Variants in VEPH1 observed in about 807,000 individuals in gnomAD.
VEPH1 encodes ventricular zone expressed PH domain containing 1.
VEPH1 carries 80 observed loss-of-function variants against 85.2 expected under a neutral mutation model. The ratio of observed to expected loss-of-function variants is 0.94; its 90% CI spans 0.78 to 1.13. The LOEUF is 1.13. Among genes scored for constraint, VEPH1 ranks in the 50% most tolerant of loss-of-function variants. The pLI is 0.00. For missense variants in VEPH1, 955 were observed against 980.5 expected, an observed-to-expected ratio of 0.97 and a Z score of 0.35; for synonymous variants, 297 against 348.0, an observed-to-expected ratio of 0.85 and a Z score of 1.63.
At chr3:157,349,969 G>T (rs879773833) in intron 9 of VEPH1, among the ~76,000 whole-genome samples, 3 of 151,976 alleles carry the variant, frequency 2.0e-5, no homozygotes, top group Non-Finnish European at 4.4e-5. Flanking sequence ...AGATTCAACG[G>T]AGTCACCATC....
At chr3:157,363,204 A>G (rs924218146) in intron 9 of VEPH1, 160 bp downstream of exon 9, 10 of 459,982 alleles carry the variant, frequency 2.2e-5, no homozygotes, top group Admixed American at 1.0e-4. Context: ...TTTCTTGGGA[A>G]AAAAAAAAAA....
rs183487288 is a variant in VEPH1 at position 157,465,706 on chromosome 3, C to A, written c.354+4608G>T. 2.0e-3 allele frequency among the ~76,000 whole-genome samples: 310 copies of A among 152,286 alleles called. 4 individuals are homozygous for A. Among genetic ancestry groups the A allele is most frequent in the African/African-American group, 7.1e-3 (293 of 41,558 alleles). ...AGTTTAAACCTTCATATTACATTGA[C>A]TGGGGAAGAAGAACTGAGAAGACTG... is the stretch of plus-strand genomic sequence containing the variant. On this transcript the variant is annotated intron_variant, in intron 3 of 13. Transcript: ENST00000362010.
Position 157,261,044 on chromosome 3 carries a change from T to C in VEPH1, c.*90A>G, listed in dbSNP as rs1301815839. On this transcript the variant is annotated 3_prime_UTR_variant, in exon 14 of 14. Coordinates refer to ENST00000362010, the MANE Select transcript of VEPH1 (RefSeq NM_001167912.2). ...CATTGGTATTTAGTAAAAAACAACA[T>C]GGCTTGGTAAATTTAGCTCTTTTTC... The C allele has an allele frequency of 5.2e-6, 8 of 1,530,134 alleles. No individual in the cohort carries two copies. Among genetic ancestry groups the C allele is most frequent in the Admixed American group, 3.9e-5 (2 of 51,128 alleles). The allele number at this position is 1,530,134 out of a possible 1,614,324, so 94.8% of individuals were successfully genotyped here. A position where few individuals can be genotyped will look rare whatever the true frequency, so the allele number is the denominator to read the frequency against.
chr3:157,412,979 T>C (rs536306872), intron 6 of VEPH1, among the ~76,000 whole-genome samples: 1 of 152,158 alleles, frequency 6.6e-6, no homozygotes, highest in Non-Finnish European at 1.5e-5. Context: ...GTAAGTCACA[T>C]AATGTTTCTG....
At chr3:157,351,081 A>G (rs116647733) in intron 9 of VEPH1, among the ~76,000 whole-genome samples, 2,139 of 152,068 alleles carry the variant, frequency 0.014, 27 homozygotes, top group Middle Eastern at 0.024. Context: ...TGCTTATTGC[A>G]GCACTATTCA....
At chr3:157,273,240 C>G (rs1351070971) in intron 12 of VEPH1, among the ~76,000 whole-genome samples, 1 of 152,136 alleles carries the variant, frequency 6.6e-6, no homozygotes, top group African/African-American at 2.4e-5. Flanking sequence ...TTCAAAATGC[C>G]TTTATGGTTA....
chr3:157,293,821 C>T (rs546074292), intron 11 of VEPH1, among the ~76,000 whole-genome samples: 1 of 152,264 alleles, frequency 6.6e-6, no homozygotes, highest in South Asian at 2.1e-4. Flanking sequence ...AATACAATTT[C>T]TTTGAAACTT....
intron 2 of VEPH1, among the ~76,000 whole-genome samples, chr3:157,471,960 G>A (rs369810574): frequency 5.9e-5 from 9 of 151,774 alleles, no homozygotes; most frequent in Non-Finnish European, 1.0e-4. Flanking sequence ...CATAAACATC[G>A]TACAAAAATT....
intron 11 of VEPH1, among the ~76,000 whole-genome samples, chr3:157,306,286 T>C (rs958388725): frequency 6.6e-6 from 1 of 152,170 alleles, no homozygotes; most frequent in African/African-American, 2.4e-5. Context: ...AACCTCATCA[T>C]GAATTTTGTA....
chr3:157,459,937 C>T (rs1017771686), intron 4 of VEPH1: 20 of 1,537,178 alleles, frequency 1.3e-5, no homozygotes, highest in Non-Finnish European at 1.7e-5. Context: ...CTGAGAAACA[C>T]AGATTTGGAA....
chr3:157,418,710 C>T (rs944883148), intron 5 of VEPH1, among the ~76,000 whole-genome samples: 1 of 152,068 alleles, frequency 6.6e-6, no homozygotes, highest in African/African-American at 2.4e-5. Context: ...AAAAACATTC[C>T]ATGCTCATAG....
At position 157,261,355 on chromosome 3, in the gene VEPH1, C is replaced by T. The variant is rs776282993; in HGVS notation, c.2281G>A (p.Asp761Asn). ...QKGKSKDDPD[D>N]CPIELSKVQS... ...ACTTTGCTGAGTTCTATTGGGCAGTCGTCAGGGTCATCTTTCTGAAAGGCA... is the reference window on the plus strand; with the variant it reads ...ACTTTGCTGAGTTCTATTGGGCAGTTGTCAGGGTCATCTTTCTGAAAGGCA... Residue 761 changes from aspartate to asparagine, a missense_variant, in exon 14 of 14, where the codon GAC (aspartate) becomes AAC (asparagine). Asp to Asn is a conservative substitution (Grantham distance 23). Coordinates refer to ENST00000362010, the MANE Select transcript of VEPH1 (RefSeq NM_001167912.2). The T allele has an allele frequency of 1.2e-5, 19 of 1,613,278 alleles. No homozygotes were observed. The highest frequency in any genetic ancestry group is 6.7e-5 in the East Asian group (3 of 44,876).
At chr3:157,361,447 G>C (rs1032246576) in intron 9 of VEPH1, among the ~76,000 whole-genome samples, 1 of 152,182 alleles carries the variant, frequency 6.6e-6, no homozygotes, top group Non-Finnish European at 1.5e-5. Flanking sequence ...GGAAAAAAGG[G>C]CTCTTCTAGT....
At chr3:157,306,300 T>C (rs1012570250) in intron 11 of VEPH1, among the ~76,000 whole-genome samples, 2 of 152,174 alleles carry the variant, frequency 1.3e-5, no homozygotes, top group Non-Finnish European at 2.9e-5. Context: ...TTTTGTATAA[T>C]TCTAAATATA....
chr3:157,293,229 G>A (rs1457853782), intron 11 of VEPH1, among the ~76,000 whole-genome samples: 1 of 152,182 alleles, frequency 6.6e-6, no homozygotes, highest in Non-Finnish European at 1.5e-5. Context: ...AGCAGAGGCA[G>A]CAGGGCACTG....
intron 6 of VEPH1, among the ~76,000 whole-genome samples, chr3:157,405,089 G>A (rs1439911913): frequency 6.6e-6 from 1 of 152,132 alleles, no homozygotes; most frequent in Non-Finnish European, 1.5e-5. Context: ...CTGGAAGGAG[G>A]AAGATCAAGT....
chr3:157,432,060 G>C (rs1369110648), intron 4 of VEPH1, among the ~76,000 whole-genome samples: 3 of 151,892 alleles, frequency 2.0e-5, no homozygotes, highest in African/African-American at 7.3e-5. Flanking sequence ...ATGTTGGCCA[G>C]GCTGGTCTCA....
At chr3:157,305,658 G>T (rs1365385401) in intron 11 of VEPH1, among the ~76,000 whole-genome samples, 2 of 152,162 alleles carry the variant, frequency 1.3e-5, no homozygotes. Flanking sequence ...TAAGACTCTT[G>T]AACTGCATTG....
chr3:157,339,716 G>T (rs906039614), intron 9 of VEPH1, among the ~76,000 whole-genome samples: 3 of 152,298 alleles, frequency 2.0e-5, no homozygotes, highest in Middle Eastern at 3.4e-3. Context: ...TCAGGCTTCT[G>T]CTCAAGAAGG....
Sources: allele counts gnomAD v4.1 joint callset (sites outside exome capture counted in the v4.1 genomes callset), GRCh38; gene constraint gnomAD v4.1.1; transcripts MANE v1.5; gene names NCBI Gene and HGNC (gene_info 2026-07-23, HGNC 2026-07-21).